AOPEP: variants seen among roughly 807,000 people sequenced by gnomAD.
AOPEP encodes the protein aminopeptidase O.
AOPEP carries 77 observed loss-of-function variants against 98.1 expected under a neutral mutation model. The observed-to-expected ratio is 0.78, with a 90% confidence interval of 0.65 to 0.95. The LOEUF (loss-of-function observed/expected upper bound fraction) is 0.95. AOPEP is among the 40% of genes least tolerant of loss of function. AOPEP has a pLI of 0.00. For missense variants in AOPEP, 1,024 were observed against 1,024.7 expected (o/e 1.00, Z 0.01); for synonymous variants, 346 against 365.3 (o/e 0.95, Z 0.60).
chr9:94,819,249 G>A (rs1292801320), intron 5 of AOPEP, among the ~76,000 whole-genome samples: 1 of 152,160 alleles, frequency 6.6e-6, no homozygotes, highest in Non-Finnish European at 1.5e-5. Flanking sequence ...TATTATCTGA[G>A]CCATTATCTG....
chr9:95,009,999 A>G (rs2062372901), intron 13 of AOPEP, among the ~76,000 whole-genome samples: 1 of 152,066 alleles, frequency 6.6e-6, no homozygotes, highest in Non-Finnish European at 1.5e-5. Flanking sequence ...TTTTCACTCT[A>G]CTTCTATTTC....
intron 14 of AOPEP, among the ~76,000 whole-genome samples, chr9:95,067,601 T>C (rs1713573856): frequency 6.6e-6 from 1 of 152,040 alleles, no homozygotes; most frequent in South Asian, 2.1e-4. Context: ...TTCTCGAGAG[T>C]AGACTGTGTA....
At chr9:94,828,105 T>C (rs1395183946) in intron 5 of AOPEP, among the ~76,000 whole-genome samples, 1 of 152,132 alleles carries the variant, frequency 6.6e-6, no homozygotes, top group African/African-American at 2.4e-5. Flanking sequence ...GGAATATTTT[T>C]ATAGGAGGCG....
chr9:94,933,486 G>A (rs1027731615), intron 7 of AOPEP: 1 of 985,274 alleles, frequency 1.0e-6, no homozygotes, highest in African/African-American at 1.7e-5. Flanking sequence ...ACAGGCAGGA[G>A]TCTATGGAAC....
At chr9:95,149,785 C>T in the AOPEP span, 1 of 1,021,746 alleles carries the variant, frequency 9.8e-7, no homozygotes, top group Non-Finnish European at 1.5e-6. Context: ...GGCCGGGATA[C>T]TCAGTAATTT....
At chr9:95,117,112 G>A in the AOPEP span, among the ~76,000 whole-genome samples, 1 of 152,140 alleles carries the variant, frequency 6.6e-6, no homozygotes, top group South Asian at 2.1e-4. Flanking sequence ...TCTTCTTTTG[G>A]TAAGTGATCA....
At chr9:95,005,651 T>A in intron 13 of AOPEP, 35 bp downstream of exon 13, 1 of 1,573,856 alleles carries the variant, frequency 6.4e-7, no homozygotes, top group Non-Finnish European at 8.7e-7. Flanking sequence ...GGTGCAGGTC[T>A]TGGTAAATCC....
At chr9:95,140,101 A>G in the AOPEP span, among the ~76,000 whole-genome samples, 1 of 152,058 alleles carries the variant, frequency 6.6e-6, no homozygotes, top group African/African-American at 2.4e-5. Flanking sequence ...AATAATTGGG[A>G]GAGTTTTCTG....
chr9:95,139,236 C>T, the AOPEP span, among the ~76,000 whole-genome samples: 2 of 152,100 alleles, frequency 1.3e-5, no homozygotes, highest in African/African-American at 2.4e-5. Flanking sequence ...GGAAACGCAC[C>T]GACGTGGTCT....
At chr9:94,858,867 G>A (rs890482724) in intron 5 of AOPEP, among the ~76,000 whole-genome samples, 2 of 151,968 alleles carry the variant, frequency 1.3e-5, no homozygotes, top group African/African-American at 4.8e-5. Flanking sequence ...TGGCCAACAT[G>A]GTGAAACCCT....
intron 5 of AOPEP, among the ~76,000 whole-genome samples, chr9:94,824,085 A>T (rs1853904420): frequency 6.6e-6 from 1 of 152,206 alleles, no homozygotes. Context: ...CCCAATGTAC[A>T]CCAATTTAAC....
At chr9:94,761,457 C>T (rs764880417) in intron 2 of AOPEP, among the ~76,000 whole-genome samples, 11 of 152,080 alleles carry the variant, frequency 7.2e-5, no homozygotes, top group Non-Finnish European at 1.6e-4. Context: ...GTAATTATTG[C>T]AGAGCTTGGA....
At chr9:95,116,943 A>G in the AOPEP span, among the ~76,000 whole-genome samples, 2 of 152,236 alleles carry the variant, frequency 1.3e-5, no homozygotes, top group African/African-American at 2.4e-5. Flanking sequence ...CACAGAGTAG[A>G]AAGAATGAAA....
intron 5 of AOPEP, among the ~76,000 whole-genome samples, chr9:94,903,133 A>G (rs1254522918): frequency 6.6e-6 from 1 of 151,402 alleles, no homozygotes; most frequent in Non-Finnish European, 1.5e-5. Flanking sequence ...GGCACCTGCC[A>G]CCACACTCGG....
the AOPEP span, among the ~76,000 whole-genome samples, chr9:95,138,705 C>T: frequency 6.6e-6 from 1 of 152,214 alleles, no homozygotes; most frequent in African/African-American, 2.4e-5. Flanking sequence ...TGTCATTCAT[C>T]CTGCCAGGTG....
At chr9:95,065,951 C>T (rs1461278797) in intron 14 of AOPEP, among the ~76,000 whole-genome samples, 1 of 152,206 alleles carries the variant, frequency 6.6e-6, no homozygotes, top group African/African-American at 2.4e-5. Flanking sequence ...TGAGACCATG[C>T]TTGTGAGGGT....
At chr9:95,085,976 T>C (rs1263851243) in intron 16 of AOPEP, 4 of 1,358,606 alleles carry the variant, frequency 2.9e-6, no homozygotes, top group Non-Finnish European at 2.9e-6. Context: ...CCCACGGAGC[T>C]CCCAGCTGAG....
intron 5 of AOPEP, among the ~76,000 whole-genome samples, chr9:94,920,755 T>A (rs961378872): frequency 1.3e-5 from 2 of 152,192 alleles, no homozygotes; most frequent in African/African-American, 4.8e-5. Context: ...GTAGGTAGTG[T>A]TCAGGAACAG....
intron 13 of AOPEP, among the ~76,000 whole-genome samples, chr9:95,010,816 T>TG (rs1179807949): frequency 6.6e-6 from 1 of 152,126 alleles, no homozygotes; most frequent in Non-Finnish European, 1.5e-5. Context: ...ACTTGAGTGA[T>TG]GGGGGGAGGC....
Sources: allele counts gnomAD v4.1 joint callset (sites outside exome capture counted in the v4.1 genomes callset), GRCh38; gene constraint gnomAD v4.1.1; transcripts MANE v1.5; gene names NCBI Gene and HGNC (gene_info 2026-07-23, HGNC 2026-07-21).